DCC: variants seen among roughly 807,000 people sequenced by gnomAD.
The protein encoded by DCC is netrin receptor DCC.
A neutral mutation model predicts 172.5 loss-of-function variants in DCC; 58 were observed. The observed-to-expected ratio is 0.34, with a 90% CI of 0.27 to 0.42. DCC has a LOEUF of 0.42. DCC is among the 10% of genes least tolerant of loss of function. The probability of loss-of-function intolerance (pLI) is 1.00; values close to 1 mark genes in which losing one functional copy is unlikely to be tolerated. For missense variants in DCC, 1,740 were observed against 1,791.0 expected (o/e 0.97, Z 0.51); for synonymous variants, 709 against 644.5 (o/e 1.10, Z -1.52).
chr18:52,808,636 A>G (rs572230498), intron 2 of DCC, among the ~76,000 whole-genome samples: 1 of 152,306 alleles, frequency 6.6e-6, no homozygotes, highest in East Asian at 1.9e-4. Flanking sequence ...AATACAATAC[A>G]TAAATCCAAG....
At chr18:52,881,747 T>C (rs1314416976) in intron 2 of DCC, among the ~76,000 whole-genome samples, 2 of 152,100 alleles carry the variant, frequency 1.3e-5, no homozygotes, top group Non-Finnish European at 2.9e-5. Flanking sequence ...ATTATTTTAG[T>C]TTTTTTCTTT....
intron 15 of DCC, among the ~76,000 whole-genome samples, chr18:53,369,131 T>C (rs2058034346): frequency 6.6e-6 from 1 of 152,004 alleles, no homozygotes; most frequent in Admixed American, 6.6e-5. Context: ...TAATTGTTTT[T>C]ACTATAGAAG....
At chr18:52,818,397 A>G (rs1218239825) in intron 2 of DCC, among the ~76,000 whole-genome samples, 1 of 148,512 alleles carries the variant, frequency 6.7e-6, no homozygotes, top group Non-Finnish European at 1.5e-5. Flanking sequence ...CGGCAACAGA[A>G]TGAGACCCTG....
chr18:53,458,759 A>G (rs1033452287), intron 23 of DCC, among the ~76,000 whole-genome samples: 19 of 152,286 alleles, frequency 1.2e-4, no homozygotes, highest in Non-Finnish European at 2.6e-4. Flanking sequence ...GTTGCACATT[A>G]AATTATACAG....
chr18:53,525,022 C>T (rs911318447), intron 27 of DCC, among the ~76,000 whole-genome samples: 4 of 151,944 alleles, frequency 2.6e-5, no homozygotes, highest in Non-Finnish European at 5.9e-5. Context: ...ATTTTTGGCA[C>T]CAACTCCCAG....
At chr18:53,460,335 G>A (rs1189790642) in intron 24 of DCC, among the ~76,000 whole-genome samples, 1 of 133,322 alleles carries the variant, frequency 7.5e-6, no homozygotes, top group Non-Finnish European at 1.6e-5. Flanking sequence ...CAATGTGCAG[G>A]TTAGATATAT....
At chr18:52,478,571 G>A (rs552524391) in intron 1 of DCC, among the ~76,000 whole-genome samples, 22 of 152,232 alleles carry the variant, frequency 1.4e-4, no homozygotes, top group South Asian at 1.0e-3. Flanking sequence ...GGCTTTATTC[G>A]CTCATGAATC....
At chr18:52,882,640 T>A (rs1044663548) in intron 2 of DCC, among the ~76,000 whole-genome samples, 1 of 152,160 alleles carries the variant, frequency 6.6e-6, no homozygotes, top group Non-Finnish European at 1.5e-5. Context: ...TGATATTAGT[T>A]TCATTTTTTG....
chr18:53,485,579 T>A (rs1416046383), intron 25 of DCC, among the ~76,000 whole-genome samples: 3 of 152,142 alleles, frequency 2.0e-5, no homozygotes, highest in African/African-American at 7.2e-5. Context: ...TGAAACAGTC[T>A]GACTTCATTT....
chr18:53,288,300 T>A (rs551999833), intron 12 of DCC, among the ~76,000 whole-genome samples: 2 of 152,146 alleles, frequency 1.3e-5, no homozygotes, highest in African/African-American at 4.8e-5. Context: ...TATTGTTACC[T>A]AGGAACTTTT....
At chr18:53,475,164 C>A (rs532312130) in intron 25 of DCC, among the ~76,000 whole-genome samples, 2 of 152,292 alleles carry the variant, frequency 1.3e-5, no homozygotes, top group African/African-American at 4.8e-5. Context: ...CTGTTAAAGG[C>A]ATTCAGTTTT....
intron 1 of DCC, among the ~76,000 whole-genome samples, chr18:52,563,017 T>C (rs943163731): frequency 2.0e-5 from 3 of 152,096 alleles, no homozygotes; most frequent in Admixed American, 6.6e-5. Flanking sequence ...CATTAAACAT[T>C]AGGACAAAAC....
chr18:53,228,214 G>A (rs1409134373), intron 12 of DCC, among the ~76,000 whole-genome samples: 1 of 151,390 alleles, frequency 6.6e-6, no homozygotes, highest in Non-Finnish European at 1.5e-5. Flanking sequence ...TTCCCTTGAT[G>A]AAATCAAATA....
chr18:53,149,152 C>G (rs560045173), intron 7 of DCC, among the ~76,000 whole-genome samples: 14 of 152,048 alleles, frequency 9.2e-5, no homozygotes, highest in South Asian at 6.2e-4. Context: ...TGAGCCACCA[C>G]GCCCCGCCTC....
rs1271324421 is a variant in DCC at position 53,187,156 on chromosome 18, AC to A, written c.1573+8041del. On this transcript the variant is annotated intron_variant, in intron 9 of 28. Coordinates refer to ENST00000442544, the MANE Select transcript of DCC (RefSeq NM_005215.4). Reference sequence around the variant, plus strand: ...TTTTTTTTTTGAGATGGAATCTTGCACTCTTGCCCAGGTTGGAGTGCAGTGG... The same window carrying A: ...TTTTTTTTTTGAGATGGAATCTTGCATCTTGCCCAGGTTGGAGTGCAGTGG... Among the ~76,000 whole-genome samples, 8 of 146,370 alleles carry A rather than the reference AC, an allele frequency of 5.5e-5. No individual in the cohort carries two copies. The East Asian group carries it at 1.6e-3, about 29-fold the overall frequency.
At chr18:52,876,392 A>G (rs2039403239) in intron 2 of DCC, among the ~76,000 whole-genome samples, 2 of 152,186 alleles carry the variant, frequency 1.3e-5, no homozygotes, top group South Asian at 4.1e-4. Context: ...GTTTTACCAA[A>G]TTTGGCCTAT....
At chr18:53,156,569 A>G (rs1040632403) in intron 7 of DCC, among the ~76,000 whole-genome samples, 1 of 152,046 alleles carries the variant, frequency 6.6e-6, no homozygotes, top group Non-Finnish European at 1.5e-5. Context: ...TTTCTTTGTC[A>G]GAAATCATGT....
intron 3 of DCC, among the ~76,000 whole-genome samples, chr18:52,915,638 G>A (rs2040029291): frequency 6.6e-6 from 1 of 152,064 alleles, no homozygotes; most frequent in African/African-American, 2.4e-5. Context: ...GATCCATGAT[G>A]CTATTTGACT....
chr18:53,178,921 T>C, intron 8 of DCC, 41 bp from the exon 9 acceptor site: 1 of 1,612,862 alleles, frequency 6.2e-7, no homozygotes, highest in Non-Finnish European at 8.5e-7. Context: ...CTGAAGGTAT[T>C]CTTTTTGGAA....
Sources: gnomAD v4.1 joint callset for allele counts (sites outside exome capture counted in the v4.1 genomes callset) on GRCh38, gnomAD v4.1.1 for gene constraint, MANE v1.5 for transcripts, NCBI Gene and HGNC (gene_info 2026-07-23, HGNC 2026-07-21) for gene names.